The following SIRPA variants were observed in gnomAD, a reference collection of about 807,000 sequenced individuals.
SIRPA encodes the protein tyrosine-protein phosphatase non-receptor type substrate 1.
A neutral mutation model predicts 50.3 loss-of-function variants in SIRPA; 9 were observed. That is an observed-to-expected ratio of 0.18 (90% CI 0.11 to 0.31). The LOEUF (loss-of-function observed/expected upper bound fraction) is 0.31, where lower values mean the gene tolerates loss of function less well. Among genes scored for constraint, SIRPA ranks in the 10% least tolerant of loss-of-function variants. SIRPA has a pLI of 1.00. For missense variants in SIRPA, 474 were observed against 661.6 expected (o/e 0.72, Z 3.11); for synonymous variants, 265 against 284.1 (o/e 0.93, Z 0.68).
intron 2 of SIRPA, 42 bp downstream of exon 2, chr20:1,915,497 G>A (rs1222235963): frequency 1.7e-5 from 27 of 1,604,828 alleles, no homozygotes; most frequent in South Asian, 4.4e-5. Context: ...GTTTGTGACA[G>A]TAACTCAATA....
At chr20:1,929,779 A>G (rs1986193906) in intron 6 of SIRPA, among the ~76,000 whole-genome samples, 2 of 151,658 alleles carry the variant, frequency 1.3e-5, no homozygotes, top group Non-Finnish European at 2.9e-5. Flanking sequence ...TGCCTGTCAC[A>G]CTCCCACACC....
chr20:1,900,652 C>T (rs761036781), intron 1 of SIRPA, among the ~76,000 whole-genome samples: 1 of 152,222 alleles, frequency 6.6e-6, no homozygotes, highest in South Asian at 2.1e-4. Context: ...GCCGGGCCCA[C>T]GCGGGAGATC....
Position 1,932,724 on chromosome 20 carries a change from G to T in SIRPA, c.1227-1991G>T, listed in dbSNP as rs1986361372. On this transcript the variant is annotated intron_variant, in intron 6 of 7. Coordinates refer to ENST00000358771, the MANE Select transcript of SIRPA (RefSeq NM_001040023.2). This position sits in a 1 kb window ranked among gnomAD's most constrained non-coding sequence, Gnocchi z 6.0. ...GTTCTTCAGGAATCAGGGGAGTTCG[G>T]ATGGTGGAGAGGATGGGGTGGCTGG... 6.6e-6 allele frequency among the ~76,000 whole-genome samples: 1 copy of T among 152,194 alleles called. No individual in the cohort carries two copies. The highest frequency in any genetic ancestry group is 2.1e-4 in the South Asian group (1 of 4,830).
rs1986046435 is a variant in SIRPA at position 1,927,435 on chromosome 20, G to C, written c.1202-440G>C. Among the ~76,000 whole-genome samples, 1 of 152,176 alleles carries C rather than the reference G, an allele frequency of 6.6e-6. No individual in the cohort carries two copies. The highest frequency in any genetic ancestry group is 2.4e-5 in the African/African-American group (1 of 41,446). On this transcript the variant is annotated intron_variant, in intron 5 of 7. Transcript: ENST00000358771. The surrounding 1 kb of genome is among the most constrained non-coding windows in gnomAD (Gnocchi z 6.5). ...GGAAGTGACCCACCCGGGGTCACAT[G>C]GTGAGTGAGTGGGTAGCAGACCCGG...
intron 1 of SIRPA, among the ~76,000 whole-genome samples, chr20:1,906,709 G>A (rs548488508): frequency 2.6e-5 from 4 of 152,156 alleles, no homozygotes; most frequent in Non-Finnish European, 4.4e-5. Context: ...ACCTGACTTA[G>A]GTTTTAGAGG....
rs557091051 is a variant in SIRPA, at chr20:1,923,163, A to C, written c.1087+518A>C. Among the ~76,000 whole-genome samples the C allele has an allele frequency of 2.6e-5, 4 of 152,362 alleles. No individual in the cohort carries two copies. In the South Asian group the frequency reaches 8.3e-4, roughly 32 times the overall value. On this transcript the variant is annotated intron_variant, in intron 4 of 7. Transcript: ENST00000358771. Reference sequence around the variant, plus strand: ...GTGACTATTTCTGTGTGATTGCCCAAGGAACACTTTAGGCCAAAATGCATA... The same window carrying C: ...GTGACTATTTCTGTGTGATTGCCCACGGAACACTTTAGGCCAAAATGCATA...
Position 1,908,426 on chromosome 20 carries a change from C to G in SIRPA, c.80-6673C>G, listed in dbSNP as rs1371732636. Among the ~76,000 whole-genome samples, 7 of 152,070 alleles carry G rather than the reference C, an allele frequency of 4.6e-5. No individual in the cohort carries two copies. The East Asian group carries it at 1.4e-3, about 29-fold the overall frequency. ...CGCTCCTGCATCACTCTCCCACACA[C>G]TCACACCCTCCCACACATGCCCAGG... On this transcript the variant is annotated intron_variant, in intron 1 of 7. Coordinates refer to ENST00000358771, the MANE Select transcript of SIRPA (RefSeq NM_001040023.2).
intron 2 of SIRPA, among the ~76,000 whole-genome samples, chr20:1,919,446 C>T (rs185888562): frequency 3.0e-4 from 45 of 152,280 alleles, no homozygotes; most frequent in African/African-American, 9.6e-4. Context: ...GAACAACGTG[C>T]ACCCGGGACA....
At position 1,927,310 on chromosome 20, in the gene SIRPA, G is replaced by A. The variant is rs1568510382; in HGVS notation, c.1202-565G>A. ...AGGTTTAAAACCTCTGAACCAGATG[G>A]ACACTTTCTTTCCTTCCAAGATCCT... On this transcript the variant is annotated intron_variant, in intron 5 of 7. Coordinates refer to ENST00000358771, the MANE Select transcript of SIRPA (RefSeq NM_001040023.2). The surrounding 1 kb of genome is among the most constrained non-coding windows in gnomAD (Gnocchi z 6.5). Among the ~76,000 whole-genome samples, 1 of 152,170 alleles carries A rather than the reference G, an allele frequency of 6.6e-6. No individual in the cohort carries two copies. The highest frequency in any genetic ancestry group is 1.5e-5 in the Non-Finnish European group (1 of 68,036).
chr20:1,929,448 C>A (rs75657737), intron 6 of SIRPA, among the ~76,000 whole-genome samples: 7,011 of 152,072 alleles, frequency 0.046, 206 homozygotes, highest in South Asian at 0.089. Flanking sequence ...AGTGCTGTAT[C>A]CTGAGTTGGG....
In SIRPA at chr20:1,927,273, A is replaced by C. The variant is rs1313508625; in HGVS notation, c.1202-602A>C. Among the ~76,000 whole-genome samples the C allele has an allele frequency of 2.6e-5, 4 of 152,220 alleles. No homozygotes were observed. The East Asian group carries it at 7.7e-4, about 29-fold the overall frequency. On this transcript the variant is annotated intron_variant, in intron 5 of 7. Coordinates refer to ENST00000358771, the MANE Select transcript of SIRPA (RefSeq NM_001040023.2). The surrounding 1 kb of genome is among the most constrained non-coding windows in gnomAD (Gnocchi z 6.5). ...AACCCTGGAGGCTTCTCTGTGGGTT[A>C]CCCCATATCACAGGTTTAAAACCTC...
At position 1,922,529 on chromosome 20, in the gene SIRPA, G is replaced by A. The variant is rs370533198; in HGVS notation, c.971G>A (p.Arg324Lys). 31 of 1,614,062 alleles carry A rather than the reference G, an allele frequency of 1.9e-5. No homozygotes were observed. The highest frequency in any genetic ancestry group is 2.3e-5 in the Non-Finnish European group (27 of 1,180,046). The stretch of plus-strand genomic sequence containing the variant: ...CTCCTGGTGAATGTATCTGCCCACA[G>A]GGATGATGTGAAGCTCACCTGCCAG... ...SWLLVNVSAH[R>K]DDVKLTCQVE... Residue 324 changes from arginine to lysine, a missense_variant, in exon 4 of 8, where the codon AGG becomes AAG. Arg to Lys is a conservative substitution (Grantham distance 26, BLOSUM62 2). Coordinates refer to ENST00000358771, the MANE Select transcript of SIRPA (RefSeq NM_001040023.2).
At chr20:1,923,604 C>T (rs60055351) in intron 4 of SIRPA, among the ~76,000 whole-genome samples, 6 of 151,760 alleles carry the variant, frequency 4.0e-5, no homozygotes, top group African/African-American at 1.2e-4. Context: ...TGTAGGGCAT[C>T]GGCCAATGCC....
rs762736505 is a variant in SIRPA at position 1,939,114 on chromosome 20, C to G, written c.*1546C>G. 1.3e-5 allele frequency: 2 copies of G among 152,548 alleles called. No homozygotes were observed. The highest frequency in any genetic ancestry group is 2.9e-5 in the Non-Finnish European group (2 of 68,080). The allele number at this position is 152,548 out of a possible 1,614,324, so 9.4% of individuals were successfully genotyped here. A position where few individuals can be genotyped will look rare whatever the true frequency, so the allele number is the denominator to read the frequency against. ...CAGTTACCCTTTAACCCCCACCCTT[C>G]CAGTCGGGTGTGAGGGCCTGACCGG... is the stretch of plus-strand genomic sequence containing the variant. On this transcript the variant is annotated 3_prime_UTR_variant, in exon 8 of 8. Transcript: ENST00000358771. This position sits in a 1 kb window ranked among gnomAD's most constrained non-coding sequence, Gnocchi z 4.7.
rs142109894 is a variant in SIRPA at position 1,913,685 on chromosome 20, G to A, written c.80-1414G>A. Among the ~76,000 whole-genome samples, 717 of 152,224 alleles carry A rather than the reference G, an allele frequency of 4.7e-3. 9 individuals are homozygous for A. Among genetic ancestry groups the A allele is most frequent in the African/African-American group, 0.016 (654 of 41,532 alleles). ...ATTCTAGCTCGCTCTCTCACTCTGC[G>A]TCTGTCTCTCAGGCATGTGTTTCTC... On this transcript the variant is annotated intron_variant, in intron 1 of 7. Transcript: ENST00000358771.
At chr20:1,905,985 A>C (rs1029268717) in intron 1 of SIRPA, among the ~76,000 whole-genome samples, 2 of 152,170 alleles carry the variant, frequency 1.3e-5, no homozygotes, top group African/African-American at 4.8e-5. Flanking sequence ...CTCGGAGAGG[A>C]TCCCGAGCCT....
intron 6 of SIRPA, among the ~76,000 whole-genome samples, chr20:1,929,041 C>T (rs1412004626): frequency 6.6e-6 from 1 of 152,094 alleles, no homozygotes; most frequent in African/African-American, 2.4e-5. Flanking sequence ...CCAGGTTTTG[C>T]CAGCAACTGC....
At chr20:1,922,988 T>TA (rs1568507602) in intron 4 of SIRPA, among the ~76,000 whole-genome samples, 1 of 152,046 alleles carries the variant, frequency 6.6e-6, no homozygotes, top group Non-Finnish European at 1.5e-5. Flanking sequence ...CCCTCTTCCC[T>TA]ACTCTTTCTA....
At chr20:1,896,306 G>A (rs2122935925) in intron 1 of SIRPA, among the ~76,000 whole-genome samples, 1 of 152,282 alleles carries the variant, frequency 6.6e-6, no homozygotes, top group African/African-American at 2.4e-5. Flanking sequence ...TCTTTCTGTT[G>A]GCCTACATCA....
Sources: gnomAD v4.1 joint callset for allele counts (sites outside exome capture counted in the v4.1 genomes callset) on GRCh38, gnomAD v4.1.1 for gene constraint, Gnocchi (gnomAD v3.1) non-coding constraint, MANE v1.5 for transcripts, NCBI Gene and HGNC (gene_info 2026-07-23, HGNC 2026-07-21) for gene names.